Variants in LIN52 observed in about 807,000 individuals in gnomAD.
LIN52 encodes the protein lin-52 DREAM MuvB core complex component, also known as protein lin-52 homolog.
In LIN52, 4 loss-of-function variants were observed where a neutral mutation model predicts 18.5. The observed-to-expected ratio is 0.22, with a 90% CI of 0.11 to 0.49. The LOEUF (loss-of-function observed/expected upper bound fraction) is 0.49. Ranked by LOEUF, LIN52 falls within the 20% of genes least tolerant of loss-of-function variation. The pLI, the probability that LIN52 is intolerant of heterozygous loss-of-function variation, is 0.97. For synonymous variants in LIN52, 34 were observed against 45.5 expected, an observed-to-expected ratio of 0.75 and a Z score of 1.02; for missense variants, 102 against 139.5, an observed-to-expected ratio of 0.73 and a Z score of 1.35.
At chr14:74,113,778 TAAAG>T (rs1487027625) in intron 5 of LIN52, among the ~76,000 whole-genome samples, 2 of 151,910 alleles carry the variant, frequency 1.3e-5, no homozygotes, top group African/African-American at 2.4e-5. Context: ...ATTGTAAAAA[TAAAG>T]AAGAAAGTAA....
chr14:74,097,900 G>T, intron 4 of LIN52, 40 bp downstream of exon 4: 1 of 1,457,460 alleles, frequency 6.9e-7, no homozygotes, highest in Admixed American at 1.7e-5. Flanking sequence ...GGATATTTAT[G>T]TTTTTCCATA....
At chr14:74,130,278 G>GTTTTTTTTTTTTTTTTTGTTTTTTTTTT (rs2061055498) in intron 5 of LIN52, among the ~76,000 whole-genome samples, 2 of 64,842 alleles carry the variant, frequency 3.1e-5, no homozygotes, top group Non-Finnish European at 5.6e-5. Context: ...GCATTTTTTG[G>GTTTTTTTTTTTTTTTTTGTTTTTTTTTT]TTTTTTTTTT....
intron 1 of LIN52, among the ~76,000 whole-genome samples, chr14:74,086,549 G>T (rs140602643): frequency 6.6e-6 from 1 of 152,022 alleles, no homozygotes; most frequent in Non-Finnish European, 1.5e-5. Context: ...AGCTACTTGG[G>T]GGGGCTGAGG....
chr14:74,158,758 G>C (rs1021886273), intron 5 of LIN52, among the ~76,000 whole-genome samples: 2 of 152,232 alleles, frequency 1.3e-5, no homozygotes, highest in Non-Finnish European at 2.9e-5. Flanking sequence ...GATTACAGGC[G>C]TGAGCCACTG....
At chr14:74,093,318 ACT>A (rs1356113850) in intron 2 of LIN52, among the ~76,000 whole-genome samples, 2 of 124,024 alleles carry the variant, frequency 1.6e-5, no homozygotes, top group African/African-American at 3.1e-5. Context: ...TTTTTCAATC[ACT>A]CTTTTTTTTT....
intron 5 of LIN52, among the ~76,000 whole-genome samples, chr14:74,145,195 T>C (rs751166369): frequency 6.6e-6 from 1 of 152,220 alleles, no homozygotes; most frequent in Non-Finnish European, 1.5e-5. Flanking sequence ...CATTAGAACG[T>C]TGACTAAATG....
At chr14:74,183,364 G>T (rs1595190138) in intron 5 of LIN52, among the ~76,000 whole-genome samples, 1 of 152,090 alleles carries the variant, frequency 6.6e-6, no homozygotes, top group African/African-American at 2.4e-5. Flanking sequence ...CTCCCAAAGT[G>T]CTGGGATTAC....
chr14:74,099,027 G>T (rs533077982), intron 4 of LIN52, among the ~76,000 whole-genome samples: 1 of 151,954 alleles, frequency 6.6e-6, no homozygotes, highest in Non-Finnish European at 1.5e-5. Context: ...AGTGAATATT[G>T]TTGTTTGATA....
chr14:74,097,688 C>A (rs529550133), intron 3 of LIN52, 106 bp from the exon 4 acceptor site: 4 of 754,458 alleles, frequency 5.3e-6, no homozygotes, highest in Non-Finnish European at 8.8e-6. Context: ...AGTAATCCGC[C>A]CACCTTGGCA....
chr14:74,135,633 AGT>A (rs756585372), intron 5 of LIN52, among the ~76,000 whole-genome samples: 2 of 152,278 alleles, frequency 1.3e-5, no homozygotes, highest in Non-Finnish European at 2.9e-5. Context: ...TGTGGTGAAA[AGT>A]GTGGTTAAAA....
intron 5 of LIN52, among the ~76,000 whole-genome samples, chr14:74,106,467 T>A (rs1163314791): frequency 3.3e-5 from 5 of 152,088 alleles, no homozygotes; most frequent in Non-Finnish European, 7.4e-5. Context: ...AGACGAGGTC[T>A]CACTATGTTG....
intron 5 of LIN52, among the ~76,000 whole-genome samples, chr14:74,192,236 G>A (rs767360571): frequency 1.3e-5 from 2 of 152,036 alleles, no homozygotes; most frequent in Non-Finnish European, 2.9e-5. Flanking sequence ...CTGACAAGAA[G>A]GCCAAGGAAG....
intron 5 of LIN52, among the ~76,000 whole-genome samples, chr14:74,151,894 T>A (rs1323353240): frequency 6.6e-6 from 1 of 152,130 alleles, no homozygotes; most frequent in Non-Finnish European, 1.5e-5. Context: ...CTATAGGTGA[T>A]AAGTAACTGC....
chr14:74,112,908 G>C (rs1229650885), intron 5 of LIN52, among the ~76,000 whole-genome samples: 1 of 152,142 alleles, frequency 6.6e-6, no homozygotes, highest in African/African-American at 2.4e-5. Context: ...ATGGATGGGG[G>C]AGAAGAGGCA....
intron 5 of LIN52, among the ~76,000 whole-genome samples, chr14:74,159,138 T>G (rs1326994279): frequency 6.9e-6 from 1 of 145,562 alleles, no homozygotes; most frequent in Non-Finnish European, 1.5e-5. Context: ...ATTAGCAGAT[T>G]AATGCAAGTG....
In LIN52 at chr14:74,100,483, AT is replaced by A. The variant is rs1054999241; in HGVS notation, c.200-662del. On this transcript the variant is annotated intron_variant, in intron 4 of 5. Transcript: ENST00000555028. Reference sequence around the variant, plus strand: ...ACCCAGCTAATTTTATTTTATTTATATTTTTTTTTTGAGAAGGAATCTCACT... The same window carrying A: ...ACCCAGCTAATTTTATTTTATTTATATTTTTTTTTGAGAAGGAATCTCACT... Among the ~76,000 whole-genome samples, 827 of 148,528 alleles carry A rather than the reference AT, an allele frequency of 5.6e-3. 10 individuals carry two copies. The highest frequency in any genetic ancestry group is 0.02 in the African/African-American group (796 of 40,548).
chr14:74,187,691 G>T (rs768620698), intron 5 of LIN52, among the ~76,000 whole-genome samples: 1 of 152,132 alleles, frequency 6.6e-6, no homozygotes, highest in African/African-American at 2.4e-5. Context: ...TAACATCTGT[G>T]TGCACGTTAC....
rs551410732 is a variant in LIN52, at chr14:74,201,263, G to A, written c.*2286G>A. The A allele has an allele frequency of 3.9e-5, 6 of 152,158 alleles. No individual in the cohort carries two copies. Among genetic ancestry groups the A allele is most frequent in the East Asian group, 1.9e-4 (1 of 5,192 alleles). 9.4% of individuals were successfully genotyped at this position (152,158 alleles called of 1,614,324 possible). A position where few individuals can be genotyped will look rare whatever the true frequency, so the allele number is the denominator to read the frequency against. On this transcript the variant is annotated 3_prime_UTR_variant, in exon 6 of 6. Transcript: ENST00000555028. ...AGGGTGAGTTTTTCCTCAGAGGGCCGAGTTGGATATTTAAAGCACAGACCT... is the reference window on the plus strand; with the variant it reads ...AGGGTGAGTTTTTCCTCAGAGGGCCAAGTTGGATATTTAAAGCACAGACCT...
chr14:74,133,732 C>T (rs2061081425), intron 5 of LIN52, among the ~76,000 whole-genome samples: 1 of 152,212 alleles, frequency 6.6e-6, no homozygotes, highest in African/African-American at 2.4e-5. Context: ...TCCACTTTCT[C>T]ATTTTAATGC....
Sources: gnomAD v4.1 joint callset for allele counts (sites outside exome capture counted in the v4.1 genomes callset) on GRCh38, gnomAD v4.1.1 for gene constraint, MANE v1.5 for transcripts, NCBI Gene and HGNC (gene_info 2026-07-23, HGNC 2026-07-21) for gene names.